SPIRE1: variants seen among roughly 807,000 people sequenced by gnomAD.
SPIRE1 encodes the protein protein spire homolog 1.
Under a neutral mutation model 94.1 loss-of-function variants are expected in SPIRE1, and 40 were observed. The ratio of observed to expected loss-of-function variants is 0.43; its 90% confidence interval spans 0.33 to 0.55. The LOEUF (loss-of-function observed/expected upper bound fraction) is 0.55. Among genes scored for constraint, SPIRE1 ranks in the 20% least tolerant of loss-of-function variants. The pLI is 0.06. For synonymous variants in SPIRE1, 376 were observed against 371.7 expected (o/e 1.01, Z -0.13); for missense variants, 838 against 975.2 (o/e 0.86, Z 1.87).
upstream of SPIRE1, chr18:12,658,422 C>CG: frequency 2.5e-6 from 1 of 399,666 alleles, no homozygotes; most frequent in South Asian, 1.8e-5. Flanking sequence ...GGGGGACACG[C>CG]GGGGCCGGGC....
At chr18:12,609,211 G>A (rs991031651) in intron 2 of SPIRE1, among the ~76,000 whole-genome samples, 2 of 152,178 alleles carry the variant, frequency 1.3e-5, no homozygotes, top group South Asian at 2.1e-4. Flanking sequence ...TCTGTGGCCC[G>A]GGGATTGCAG....
intron 2 of SPIRE1, among the ~76,000 whole-genome samples, chr18:12,604,552 A>G (rs1227063835): frequency 6.6e-6 from 1 of 152,132 alleles, no homozygotes; most frequent in Non-Finnish European, 1.5e-5. Flanking sequence ...AATATATCCT[A>G]ATATATATCT....
intron 1 of SPIRE1, among the ~76,000 whole-genome samples, chr18:12,652,141 T>C (rs2038396713): frequency 6.6e-6 from 1 of 152,192 alleles, no homozygotes; most frequent in Non-Finnish European, 1.5e-5. Context: ...AATAATTCTT[T>C]GTGGCATGCC....
intron 1 of SPIRE1, among the ~76,000 whole-genome samples, chr18:12,640,207 G>C (rs1232028422): frequency 2.6e-5 from 4 of 152,148 alleles, no homozygotes; most frequent in Non-Finnish European, 5.9e-5. Context: ...CAAACTAGCT[G>C]AATAAGCAAA....
chr18:12,556,117 A>G (rs542406777), intron 2 of SPIRE1, among the ~76,000 whole-genome samples: 49 of 152,280 alleles, frequency 3.2e-4, no homozygotes, highest in Non-Finnish European at 6.3e-4. Context: ...AAAGGTCTCT[A>G]TAATGAAAAC....
intron 2 of SPIRE1, among the ~76,000 whole-genome samples, chr18:12,568,056 C>T (rs1274314197): frequency 1.3e-5 from 2 of 152,322 alleles, no homozygotes; most frequent in East Asian, 1.9e-4. Context: ...CAATTACTTC[C>T]ATTGCATTAG....
intron 12 of SPIRE1, among the ~76,000 whole-genome samples, chr18:12,457,358 T>A (rs2031557778): frequency 6.6e-6 from 1 of 152,244 alleles, no homozygotes; most frequent in African/African-American, 2.4e-5. Flanking sequence ...ACAAAAATAT[T>A]AATTCGACAT....
intron 16 of SPIRE1, 51 bp downstream of exon 16, chr18:12,452,204 A>G: frequency 6.2e-7 from 1 of 1,607,674 alleles, no homozygotes; most frequent in Non-Finnish European, 8.5e-7. Flanking sequence ...CCTCAAGAGT[A>G]GAACTCTTCT....
chr18:12,499,626 CTATT>C (rs1012246994), intron 6 of SPIRE1, among the ~76,000 whole-genome samples: 13 of 151,866 alleles, frequency 8.6e-5, no homozygotes, highest in African/African-American at 2.2e-4. Flanking sequence ...AGAGCTAAAA[CTATT>C]TATAAGTGTC....
Position 12,449,469 on chromosome 18 carries a change from G to T in SPIRE1, c.*169C>A. ...GCGGACCTGTCACGTTTCATCAATC[G>T]ATACGAACACAGCATTCAGTCTGTG... On this transcript the variant is annotated 3_prime_UTR_variant, in exon 17 of 17. Transcript: ENST00000409402. The T allele has an allele frequency of 2.9e-6, 2 of 691,196 alleles. No individual in the cohort carries two copies. The highest frequency in any genetic ancestry group is 4.7e-6 in the Non-Finnish European group (2 of 421,116). 42.8% of individuals were successfully genotyped at this position (691,196 alleles called of 1,614,324 possible).
At chr18:12,615,356 ATATATATATATATATATGCATGTATAT>A (rs2037271653) in intron 2 of SPIRE1, among the ~76,000 whole-genome samples, 1 of 88,022 alleles carries the variant, frequency 1.1e-5, no homozygotes, top group Non-Finnish European at 2.4e-5. Flanking sequence ...ATATATATAT[ATATATATATATATATATGCATGTATAT>A]AAAAAAAATA....
At chr18:12,603,964 G>C (rs767194211) in intron 2 of SPIRE1, among the ~76,000 whole-genome samples, 1 of 152,230 alleles carries the variant, frequency 6.6e-6, no homozygotes, top group East Asian at 1.9e-4. Context: ...AGCTTCCAGA[G>C]AGCTGAACAT....
At chr18:12,659,422 C>CT (rs1415911720), upstream of SPIRE1, among the ~76,000 whole-genome samples, 1 of 152,160 alleles carries the variant, frequency 6.6e-6, no homozygotes, top group Non-Finnish European at 1.5e-5. Flanking sequence ...AATCCCAGCA[C>CT]TTTGGGAGGC....
chr18:12,617,847 T>C (rs933177651), intron 2 of SPIRE1, among the ~76,000 whole-genome samples: 2 of 152,126 alleles, frequency 1.3e-5, no homozygotes, highest in Non-Finnish European at 2.9e-5. Context: ...TGAACCACCA[T>C]GTCTGGCCTC....
intron 5 of SPIRE1, among the ~76,000 whole-genome samples, chr18:12,509,892 C>G (rs1287135625): frequency 5.3e-5 from 8 of 152,006 alleles, no homozygotes; most frequent in Admixed American, 5.2e-4. Flanking sequence ...CGAGATCAGC[C>G]TGACCAACAT....
chr18:12,623,030 T>C (rs1289526508), intron 2 of SPIRE1, among the ~76,000 whole-genome samples: 1 of 152,222 alleles, frequency 6.6e-6, no homozygotes, highest in East Asian at 1.9e-4. Flanking sequence ...GTCAATATTG[T>C]TATGTACCTA....
upstream of SPIRE1, among the ~76,000 whole-genome samples, chr18:12,659,342 A>G (rs2038647348): frequency 6.6e-6 from 1 of 152,174 alleles, no homozygotes; most frequent in African/African-American, 2.4e-5. Context: ...GGGAGGAGGG[A>G]GAAAAGCAAC....
rs1407263292 is a variant in SPIRE1 at position 12,457,839 on chromosome 18, CTTTTTTCT to C, written c.1639-3364_1639-3357del. 3.8e-4 allele frequency among the ~76,000 whole-genome samples: 54 copies of C among 141,056 alleles called. No individual in the cohort carries two copies. In the East Asian group the frequency reaches 0.01, roughly 27 times the overall value. 92.5% of individuals were successfully genotyped at this position (141,056 alleles called of 152,430 possible). On this transcript the variant is annotated intron_variant, in intron 12 of 16. Transcript: ENST00000409402. ...AAATGGGAATAGTCACCTTTCTTTT[CTTTTTTCT>C]TTTTTTTTTTTTTTTGAGATGGAGT...
intron 2 of SPIRE1, among the ~76,000 whole-genome samples, chr18:12,578,337 T>C (rs1291254280): frequency 6.6e-6 from 1 of 152,198 alleles, no homozygotes; most frequent in Non-Finnish European, 1.5e-5. Flanking sequence ...CAAATTGCAA[T>C]ATATTGACAC....
Sources: allele counts gnomAD v4.1 joint callset (sites outside exome capture counted in the v4.1 genomes callset), GRCh38; gene constraint gnomAD v4.1.1; transcripts MANE v1.5; gene names NCBI Gene and HGNC (gene_info 2026-07-23, HGNC 2026-07-21).